ST3GAL3: variants seen among roughly 807,000 people sequenced by gnomAD.
The protein encoded by ST3GAL3 is ST3 beta-galactoside alpha-2,3-sialyltransferase 3.
Under a neutral mutation model 50.1 loss-of-function variants are expected in ST3GAL3, and 21 were observed. The ratio of observed to expected loss-of-function variants is 0.42; its 90% confidence interval spans 0.30 to 0.60. The LOEUF (loss-of-function observed/expected upper bound fraction) is 0.60. ST3GAL3 is among the 20% of genes least tolerant of loss of function. The probability of loss-of-function intolerance (pLI) is 0.19; values close to 1 mark genes in which losing one functional copy is unlikely to be tolerated. For synonymous variants in ST3GAL3, 183 were observed against 190.0 expected (o/e 0.96, Z 0.30); for missense variants, 353 against 489.4 (o/e 0.72, Z 2.63).
intron 2 of ST3GAL3, among the ~76,000 whole-genome samples, chr1:43,762,969 T>C (rs1691117976): frequency 6.6e-6 from 1 of 152,116 alleles, no homozygotes; most frequent in Non-Finnish European, 1.5e-5. Context: ...TTTCAAGAAG[T>C]CGTGCAAAGG....
At chr1:43,788,944 T>G (rs952330327) in intron 2 of ST3GAL3, among the ~76,000 whole-genome samples, 2 of 151,922 alleles carry the variant, frequency 1.3e-5, no homozygotes, top group Admixed American at 6.6e-5. Flanking sequence ...TGGGAGGTTT[T>G]TTTTTTTTTT....
intron 2 of ST3GAL3, among the ~76,000 whole-genome samples, chr1:43,759,060 C>CGT (rs1572265507): frequency 3.4e-5 from 3 of 89,052 alleles, no homozygotes; most frequent in Admixed American, 2.0e-4. Context: ...CAAACAAAAG[C>CGT]GCGCGCACAC....
At chr1:43,749,908 C>G (rs1233527697) in intron 2 of ST3GAL3, among the ~76,000 whole-genome samples, 1 of 152,214 alleles carries the variant, frequency 6.6e-6, no homozygotes, top group African/African-American at 2.4e-5. Context: ...TGTGGATGCA[C>G]CGTTTTAAGG....
rs534860021 is a variant in ST3GAL3, at chr1:43,745,946, G to A, written c.118+9566G>A. On this transcript the variant is annotated intron_variant, in intron 2 of 11. Transcript: ENST00000347631. Reference sequence around the variant, plus strand: ...GCCTGACCTAGATATGTTTTGATACGCAAATACCATTGTGTTACAATTGCC... The same window carrying A: ...GCCTGACCTAGATATGTTTTGATACACAAATACCATTGTGTTACAATTGCC... 3.9e-5 allele frequency among the ~76,000 whole-genome samples: 6 copies of A among 152,226 alleles called. No homozygotes were observed. The East Asian group carries it at 9.7e-4, about 25-fold the overall frequency.
intron 1 of ST3GAL3, among the ~76,000 whole-genome samples, chr1:43,726,794 A>G (rs751061174): frequency 6.7e-6 from 1 of 149,908 alleles, no homozygotes; most frequent in Non-Finnish European, 1.5e-5. Context: ...GGGTTTCCCC[A>G]TGTTGGCCAG....
At chr1:43,927,148 G>A (rs1018863158) in intron 11 of ST3GAL3, among the ~76,000 whole-genome samples, 2 of 152,132 alleles carry the variant, frequency 1.3e-5, no homozygotes, top group Non-Finnish European at 2.9e-5. Context: ...TGCCCAACAT[G>A]GCGAAATCCT....
At chr1:43,791,885 A>G (rs2058120848) in intron 2 of ST3GAL3, among the ~76,000 whole-genome samples, 1 of 152,184 alleles carries the variant, frequency 6.6e-6, no homozygotes, top group Non-Finnish European at 1.5e-5. Flanking sequence ...CCCTGCCTTG[A>G]GACGTCTCTC....
At chr1:43,711,130 C>G (rs1664534801) in intron 1 of ST3GAL3, among the ~76,000 whole-genome samples, 1 of 152,214 alleles carries the variant, frequency 6.6e-6, no homozygotes, top group Non-Finnish European at 1.5e-5. Flanking sequence ...ACATAGATAG[C>G]TTGGATTAGG....
At chr1:43,758,020 A>G (rs1462141202) in intron 2 of ST3GAL3, among the ~76,000 whole-genome samples, 1 of 152,202 alleles carries the variant, frequency 6.6e-6, no homozygotes, top group Non-Finnish European at 1.5e-5. Flanking sequence ...AAAGATATGT[A>G]TAGACACTTC....
At chr1:43,818,745 T>A (rs886978158) in intron 4 of ST3GAL3, among the ~76,000 whole-genome samples, 1 of 151,948 alleles carries the variant, frequency 6.6e-6, no homozygotes, top group Non-Finnish European at 1.5e-5. Context: ...TAGGGAACTA[T>A]GAAAAACAAA....
intron 2 of ST3GAL3, chr1:43,739,000 T>C (rs1271251400): frequency 1.3e-5 from 2 of 152,254 alleles, no homozygotes; most frequent in African/African-American, 4.8e-5. Context: ...ATAGTTTTTA[T>C]TGGTTATTAT....
At chr1:43,835,107 T>C (rs1445694641) in intron 4 of ST3GAL3, among the ~76,000 whole-genome samples, 1 of 152,164 alleles carries the variant, frequency 6.6e-6, no homozygotes, top group Middle Eastern at 3.2e-3. Flanking sequence ...ATGGGTGCTC[T>C]TACTGGGTTT....
intron 4 of ST3GAL3, among the ~76,000 whole-genome samples, chr1:43,820,369 A>G (rs2061940502): frequency 6.6e-6 from 1 of 152,234 alleles, no homozygotes; most frequent in Non-Finnish European, 1.5e-5. Context: ...AACCTAGGAC[A>G]TACCCTTCTC....
intron 1 of ST3GAL3, among the ~76,000 whole-genome samples, chr1:43,714,432 CAAA>C (rs35400929): frequency 3.0e-4 from 22 of 73,708 alleles, no homozygotes; most frequent in African/African-American, 1.1e-3. Context: ...TACTAAAATA[CAAA>C]AAAAAAAAAA....
chr1:43,740,939 AAGG>A (rs1451618408), intron 2 of ST3GAL3, among the ~76,000 whole-genome samples: 15 of 151,528 alleles, frequency 9.9e-5, no homozygotes, highest in Non-Finnish European at 1.9e-4. Flanking sequence ...GGAGGGAGGA[AAGG>A]AGGAAGGAAG....
At chr1:43,714,565 A>G (rs113575004) in intron 1 of ST3GAL3, among the ~76,000 whole-genome samples, 1,531 of 152,222 alleles carry the variant, frequency 0.01, 13 homozygotes, top group Non-Finnish European at 0.017. Context: ...AGATCACGCC[A>G]CTGCATTCCA....
At chr1:43,718,430 C>T (rs988121646) in intron 1 of ST3GAL3, among the ~76,000 whole-genome samples, 1 of 151,640 alleles carries the variant, frequency 6.6e-6, no homozygotes, top group Non-Finnish European at 1.5e-5. Flanking sequence ...ATCTCATGAT[C>T]CGCCCGCCTC....
intron 5 of ST3GAL3, among the ~76,000 whole-genome samples, chr1:43,875,050 C>T (rs1281687681): frequency 6.6e-6 from 1 of 152,114 alleles, no homozygotes; most frequent in East Asian, 1.9e-4. Context: ...TCGATTTAAT[C>T]AAAGCTGTGT....
At chr1:43,879,080 T>G (rs2074633984) in intron 5 of ST3GAL3, 1 of 456,220 alleles carries the variant, frequency 2.2e-6, no homozygotes, top group Non-Finnish European at 4.4e-6. Flanking sequence ...GAAACCCACT[T>G]TAGACAGAAG....
Sources: gnomAD v4.1 joint callset for allele counts (sites outside exome capture counted in the v4.1 genomes callset) on GRCh38, gnomAD v4.1.1 for gene constraint, MANE v1.5 for transcripts, NCBI Gene and HGNC (gene_info 2026-07-23, HGNC 2026-07-21) for gene names.